Variants in LMO7 observed in about 807,000 individuals in gnomAD.
The protein encoded by LMO7 is LIM domain only protein 7.
LMO7 carries 120 observed loss-of-function variants against 206.5 expected under a neutral mutation model. That is an observed-to-expected ratio of 0.58 (90% CI 0.50 to 0.68). The LOEUF (loss-of-function observed/expected upper bound fraction) is 0.68, where lower values mean the gene tolerates loss of function less well. Among genes scored for constraint, LMO7 ranks in the 30% least tolerant of loss-of-function variants. LMO7 has a pLI of 0.00. For missense variants in LMO7, 1,959 were observed against 1,957.9 expected, an observed-to-expected ratio of 1.00 and a Z score of -0.01; for synonymous variants, 706 against 681.5, an observed-to-expected ratio of 1.04 and a Z score of -0.56.
At position 75,768,503 on chromosome 13, in the gene LMO7, C is replaced by CTG. The variant is rs202097056; in HGVS notation, c.317+7467_317+7468dup. ...AACTTTTTCAAGACCAAACTTCTTT[C>CTG]TGTATTTTCTAAAATCTTTGAAATT... On this transcript the variant is annotated intron_variant, in intron 4 of 30. Coordinates refer to ENST00000377534, the MANE Select transcript of LMO7 (RefSeq NM_001306080.2). 4.5e-3 allele frequency among the ~76,000 whole-genome samples: 682 copies of CTG among 152,178 alleles called. 5 individuals are homozygous for CTG. The highest frequency in any genetic ancestry group is 0.015 in the African/African-American group (634 of 41,548).
chr13:75,731,403 T>A (rs2045202051), intron 3 of LMO7, among the ~76,000 whole-genome samples: 1 of 152,122 alleles, frequency 6.6e-6, no homozygotes, highest in African/African-American at 2.4e-5. Flanking sequence ...TTGTCTCTTT[T>A]GATCTGTGTT....
chr13:75,733,559 C>T (rs917574856), intron 3 of LMO7, among the ~76,000 whole-genome samples: 1 of 152,194 alleles, frequency 6.6e-6, no homozygotes, highest in African/African-American at 2.4e-5. Flanking sequence ...AAAGGGAACT[C>T]CCTGACCCCT....
chr13:75,663,432 C>CTTTCTTTTTTTTTTTTTTTCTTT (rs1555289857), intron 1 of LMO7, among the ~76,000 whole-genome samples: 1 of 111,408 alleles, frequency 9.0e-6, no homozygotes, highest in South Asian at 2.9e-4. Context: ...TTCTTTCTTT[C>CTTTCTTTTTTTTTTTTTTTCTTT]TTTTTTTTTT....
intron 28 of LMO7, chr13:75,854,927 G>T (rs549723023): frequency 1.6e-5 from 3 of 182,890 alleles, no homozygotes; most frequent in African/African-American, 7.0e-5. Flanking sequence ...CTGGCAAGAA[G>T]ATGTAGGTGG....
chr13:75,718,340 C>T (rs2043729650), intron 2 of LMO7, among the ~76,000 whole-genome samples: 1 of 152,110 alleles, frequency 6.6e-6, no homozygotes, highest in South Asian at 2.1e-4. Flanking sequence ...GGTTGAAATC[C>T]TGGAGAGAGA....
At chr13:75,696,722 C>T (rs2041928644) in intron 1 of LMO7, among the ~76,000 whole-genome samples, 1 of 152,142 alleles carries the variant, frequency 6.6e-6, no homozygotes, top group Middle Eastern at 3.2e-3. Flanking sequence ...CCTGAGTTAA[C>T]AGGTGAGTCC....
At chr13:75,848,470 A>AT (rs1446421849) in intron 26 of LMO7, among the ~76,000 whole-genome samples, 73 of 59,972 alleles carry the variant, frequency 1.2e-3, no homozygotes, top group Non-Finnish European at 1.1e-3. Flanking sequence ...TATCTATCTA[A>AT]CTATCTCACA....
At chr13:75,833,308 C>G (rs1364778207) in intron 16 of LMO7, 143 bp downstream of exon 16, 7 of 611,202 alleles carry the variant, frequency 1.1e-5, no homozygotes, top group African/African-American at 1.9e-5. Context: ...AATACATCCT[C>G]TTTCCTGAGA....
intron 4 of LMO7, among the ~76,000 whole-genome samples, chr13:75,791,721 G>T (rs1595038125): frequency 6.6e-6 from 1 of 152,100 alleles, no homozygotes; most frequent in East Asian, 1.9e-4. Context: ...TGTCAGGTGG[G>T]CTAGTTGCAG....
intron 4 of LMO7, among the ~76,000 whole-genome samples, chr13:75,791,531 G>A (rs2053286016): frequency 6.6e-6 from 1 of 152,130 alleles, no homozygotes; most frequent in Admixed American, 6.5e-5. Context: ...ACTGTGCGAG[G>A]CATTTTTAAT....
rs185414874 is a variant in LMO7 at position 75,793,427 on chromosome 13, C to G, written c.318-1974C>G. ...AGTAGCTGGGATTACAGGCGCCCAC[C>G]ACCACGCCTGGCTAATTTTTGTCCT... On this transcript the variant is annotated intron_variant, in intron 4 of 30. Coordinates refer to ENST00000377534, the MANE Select transcript of LMO7 (RefSeq NM_001306080.2). Among the ~76,000 whole-genome samples the G allele has an allele frequency of 2.0e-4, 30 of 152,262 alleles. No homozygotes were observed. The East Asian group carries it at 5.0e-3, about 26-fold the overall frequency.
In LMO7 at chr13:75,782,545, C is replaced by T. The variant is rs149241403; in HGVS notation, c.318-12856C>T. Among the ~76,000 whole-genome samples the T allele has an allele frequency of 4.5e-3, 690 of 152,224 alleles. 2 individuals carry two copies. The highest frequency in any genetic ancestry group is 0.014 in the South Asian group (67 of 4,818). ...AGTACTTGTGTTTATTTTCTGTTGC[C>T]GCTATAACAAATGACCACAAATGTA... On this transcript the variant is annotated intron_variant, in intron 4 of 30. Transcript: ENST00000377534.
At chr13:75,737,250 C>T (rs897102442) in intron 3 of LMO7, among the ~76,000 whole-genome samples, 2 of 152,078 alleles carry the variant, frequency 1.3e-5, no homozygotes, top group African/African-American at 2.4e-5. Flanking sequence ...AGCCAGAGAA[C>T]ACCTGCGATT....
intron 4 of LMO7, among the ~76,000 whole-genome samples, chr13:75,791,824 C>G (rs2053327111): frequency 6.6e-6 from 1 of 152,120 alleles, no homozygotes; most frequent in Non-Finnish European, 1.5e-5. Context: ...GTTCTTTGAT[C>G]ATAGTGTAGA....
intron 3 of LMO7, among the ~76,000 whole-genome samples, chr13:75,736,731 G>C (rs1281708013): frequency 6.6e-6 from 1 of 152,204 alleles, no homozygotes; most frequent in Admixed American, 6.5e-5. Context: ...TCCATGAGCA[G>C]TTGTAGGGGA....
intron 1 of LMO7, among the ~76,000 whole-genome samples, chr13:75,707,343 T>A (rs954728344): frequency 6.6e-6 from 1 of 152,094 alleles, no homozygotes; most frequent in African/African-American, 2.4e-5. Context: ...TTTCCCAATT[T>A]TTCATAAATT....
chr13:75,634,626 CCAGCTACTCGAGAGG>C (rs1378210784), upstream of LMO7, among the ~76,000 whole-genome samples: 1 of 152,048 alleles, frequency 6.6e-6, no homozygotes, highest in Non-Finnish European at 1.5e-5. Context: ...GCCTGTAGTC[CCAGCTACTCGAGAGG>C]CTGAGGCAGG....
chr13:75,807,959 G>A lies in LMO7; in HGVS notation c.1676G>A (p.Cys559Tyr). 1.9e-6 allele frequency: 3 copies of A among 1,613,938 alleles called. No individual in the cohort carries two copies. The highest frequency in any genetic ancestry group is 2.5e-6 in the Non-Finnish European group (3 of 1,179,864). ...CCAGAAATTCAAGCAAAATTTCTCT[G>A]TGTACTTGAAAGGACATGCCCATCC... Reference protein sequence around the residue: ...LPPEIQAKFLCVLERTCPSKE... With the variant: ...LPPEIQAKFLYVLERTCPSKE... Residue 559 changes from cysteine to tyrosine, a missense_variant, in exon 10 of 31, where the codon TGT becomes TAT. By Grantham distance (194) the Cys-to-Tyr change is radical. Transcript: ENST00000377534.
chr13:75,810,590 G>C (rs2056241572), intron 11 of LMO7, among the ~76,000 whole-genome samples: 1 of 152,228 alleles, frequency 6.6e-6, no homozygotes, highest in South Asian at 2.1e-4. Context: ...TCATAGGAAA[G>C]CTGTTTTAAC....
Sources: gnomAD v4.1 joint callset for allele counts (sites outside exome capture counted in the v4.1 genomes callset) on GRCh38, gnomAD v4.1.1 for gene constraint, MANE v1.5 for transcripts, NCBI Gene and HGNC (gene_info 2026-07-23, HGNC 2026-07-21) for gene names.